POC1B: variants seen among roughly 807,000 people sequenced by gnomAD.
POC1B encodes POC1 centriolar protein homolog B.
In POC1B, 44 loss-of-function variants were observed where a neutral mutation model predicts 60.6. The observed-to-expected ratio is 0.73, with a 90% confidence interval of 0.57 to 0.93. The LOEUF is 0.93. Ranked by LOEUF, POC1B falls within the 40% of genes least tolerant of loss-of-function variation. The pLI, the probability that POC1B is intolerant of heterozygous loss-of-function variation, is 0.00. For synonymous variants in POC1B, 180 were observed against 198.9 expected (o/e 0.90, Z 0.80); for missense variants, 555 against 572.3 (o/e 0.97, Z 0.31).
intron 10 of POC1B, among the ~76,000 whole-genome samples, chr12:89,454,524 GCTC>G (rs1231592389): frequency 6.6e-6 from 1 of 152,076 alleles, no homozygotes; most frequent in African/African-American, 2.4e-5. Context: ...CCCCCCAGTG[GCTC>G]CTATGTCACC....
chr12:89,463,651 C>G (rs1882564575), intron 9 of POC1B, among the ~76,000 whole-genome samples: 1 of 152,104 alleles, frequency 6.6e-6, no homozygotes, highest in Non-Finnish European at 1.5e-5. Context: ...GATGGAGTGC[C>G]TAGGCCAGGA....
chr12:89,490,252 C>T (rs1274315392), intron 4 of POC1B, among the ~76,000 whole-genome samples: 1 of 152,190 alleles, frequency 6.6e-6, no homozygotes, highest in Non-Finnish European at 1.5e-5. Context: ...AGTCTAACTT[C>T]ACCTCTCTGA....
chr12:89,440,604 A>G (rs891056321), intron 10 of POC1B, among the ~76,000 whole-genome samples: 15 of 152,234 alleles, frequency 9.9e-5, no homozygotes, highest in African/African-American at 3.6e-4. Context: ...AGCCTGACCA[A>G]TATGGAGAAA....
intron 10 of POC1B, among the ~76,000 whole-genome samples, chr12:89,459,123 C>T (rs1882372148): frequency 6.6e-6 from 1 of 152,036 alleles, no homozygotes; most frequent in South Asian, 2.1e-4. Flanking sequence ...AGGGAATCTG[C>T]TCTGCAACAG....
intron 10 of POC1B, among the ~76,000 whole-genome samples, chr12:89,451,665 C>A (rs1592595823): frequency 6.6e-6 from 1 of 152,064 alleles, no homozygotes; most frequent in East Asian, 1.9e-4. Flanking sequence ...TCTTTAGAAG[C>A]CCTAATAATA....
rs182124225 is a variant in POC1B, at chr12:89,522,880, C to T, written c.100+2240G>A. The T allele has an allele frequency of 1.9e-4, 302 of 1,611,854 alleles. 1 individual carries two copies. Among genetic ancestry groups the T allele is most frequent in the Admixed American group, 8.6e-4 (51 of 59,526 alleles). On this transcript the variant is annotated intron_variant, in intron 2 of 11. Coordinates refer to ENST00000313546, the MANE Select transcript of POC1B (RefSeq NM_172240.3). ...ACAAGTTCTCATTTGTACATCAGGTCGGCCCTCCGGTGTCCGATAAGCACT... is the reference window on the plus strand; with the variant it reads ...ACAAGTTCTCATTTGTACATCAGGTTGGCCCTCCGGTGTCCGATAAGCACT...
At chr12:89,453,661 A>C (rs1882144146) in intron 10 of POC1B, among the ~76,000 whole-genome samples, 1 of 152,224 alleles carries the variant, frequency 6.6e-6, no homozygotes, top group African/African-American at 2.4e-5. Context: ...TTACACTTTC[A>C]AAGTTGTAAG....
At chr12:89,521,965 T>C (rs865914631) in intron 2 of POC1B, 19 of 398,986 alleles carry the variant, frequency 4.8e-5, no homozygotes, top group Non-Finnish European at 7.5e-5. Context: ...TTTAAATGAT[T>C]AAGCATTAAC....
rs374722888 is a variant in POC1B, at chr12:89,504,981, A to C, written c.101-7639T>G. ...TTAAAAAGAATGCTACAAATCAATAAGAAAAAGGCACACTACCCAACAACA... is the reference window on the plus strand; with the variant it reads ...TTAAAAAGAATGCTACAAATCAATACGAAAAAGGCACACTACCCAACAACA... On this transcript the variant is annotated intron_variant, in intron 2 of 11. Transcript: ENST00000313546. Among the ~76,000 whole-genome samples, 4 of 152,318 alleles carry C rather than the reference A, an allele frequency of 2.6e-5. No homozygotes were observed. The East Asian group carries it at 7.7e-4, about 29-fold the overall frequency.
chr12:89,434,151 A>C (rs1881154167), intron 10 of POC1B, among the ~76,000 whole-genome samples: 1 of 152,230 alleles, frequency 6.6e-6, no homozygotes, highest in South Asian at 2.1e-4. Context: ...AATTTGCTGA[A>C]TTAAGACTTG....
chr12:89,458,723 A>G (rs1239431286), intron 10 of POC1B, among the ~76,000 whole-genome samples: 2 of 152,226 alleles, frequency 1.3e-5, no homozygotes, highest in Non-Finnish European at 2.9e-5. Context: ...TATTTTGGCT[A>G]CAAATTAAAA....
intron 4 of POC1B, among the ~76,000 whole-genome samples, chr12:89,477,636 A>G (rs553096276): frequency 4.6e-5 from 7 of 152,210 alleles, no homozygotes; most frequent in Non-Finnish European, 7.4e-5. Context: ...CTACTTCCCC[A>G]CATTCCAATC....
the POC1B span, among the ~76,000 whole-genome samples, chr12:89,407,126 G>A: frequency 7.1e-6 from 1 of 139,940 alleles, no homozygotes; most frequent in Admixed American, 7.2e-5. Flanking sequence ...TCCAGCCTGG[G>A]TGACAGAGCG....
intron 10 of POC1B, among the ~76,000 whole-genome samples, chr12:89,458,048 T>C (rs1482054547): frequency 1.3e-5 from 2 of 152,162 alleles, no homozygotes; most frequent in African/African-American, 2.4e-5. Flanking sequence ...CCTCACGTAA[T>C]GAGGCTTTGC....
chr12:89,505,722 T>C (rs1279854667), intron 2 of POC1B, among the ~76,000 whole-genome samples: 1 of 152,204 alleles, frequency 6.6e-6, no homozygotes, highest in Non-Finnish European at 1.5e-5. Flanking sequence ...TTGGAACATA[T>C]CAATGCTTCA....
intron 2 of POC1B, chr12:89,500,751 T>G: frequency 1.9e-6 from 2 of 1,075,404 alleles, no homozygotes; most frequent in African/African-American, 1.6e-5. Flanking sequence ...AAAATAGAAA[T>G]AGATAGAAAT....
At chr12:89,411,677 C>A in the POC1B span, among the ~76,000 whole-genome samples, 1 of 152,124 alleles carries the variant, frequency 6.6e-6, no homozygotes, top group Non-Finnish European at 1.5e-5. Flanking sequence ...CTTTTCCTCC[C>A]GCCTCAATGT....
At chr12:89,475,049 C>G (rs953268133) in intron 4 of POC1B, among the ~76,000 whole-genome samples, 1 of 152,154 alleles carries the variant, frequency 6.6e-6, no homozygotes, top group Admixed American at 6.6e-5. Flanking sequence ...GGCAAGATCC[C>G]TGCCCTTATG....
intron 2 of POC1B, chr12:89,520,687 T>A (rs1422483679): frequency 1.3e-5 from 2 of 152,200 alleles, no homozygotes; most frequent in Non-Finnish European, 2.9e-5. Context: ...GAAATGGTTA[T>A]CCTAAAGAAT....
Sources: allele counts gnomAD v4.1 joint callset (sites outside exome capture counted in the v4.1 genomes callset), GRCh38; gene constraint gnomAD v4.1.1; transcripts MANE v1.5; gene names NCBI Gene and HGNC (gene_info 2026-07-23, HGNC 2026-07-21).